The following PRKCH variants were observed in gnomAD, a reference collection of about 807,000 sequenced individuals.
The protein encoded by PRKCH is protein kinase C eta type.
A neutral mutation model predicts 82.5 loss-of-function variants in PRKCH; 28 were observed. The observed-to-expected ratio is 0.34, with a 90% CI of 0.25 to 0.47. The LOEUF is 0.47. Ranked by LOEUF, PRKCH falls within the 20% of genes least tolerant of loss-of-function variation. The probability of loss-of-function intolerance (pLI) is 1.00; values close to 1 mark genes in which losing one functional copy is unlikely to be tolerated. For synonymous variants in PRKCH, 322 were observed against 327.4 expected (o/e 0.98, Z 0.18); for missense variants, 705 against 881.8 (o/e 0.80, Z 2.54).
At chr14:61,325,144 G>T (rs1325605967) in intron 1 of PRKCH, among the ~76,000 whole-genome samples, 1 of 152,228 alleles carries the variant, frequency 6.6e-6, no homozygotes, top group East Asian at 1.9e-4. Flanking sequence ...GAAATGTAAA[G>T]TACTGAGACC....
rs758221241 is a variant in PRKCH at position 61,281,024 on chromosome 14, C to A, written c.-19+93356C>A. Reference sequence around the variant, plus strand: ...CCCAGGCCGATGAAGGCCAGGCCCGCGCAGAAGAAGAGCGGCAGCGCGATG... The same window carrying A: ...CCCAGGCCGATGAAGGCCAGGCCCGAGCAGAAGAAGAGCGGCAGCGCGATG... On this transcript the variant is annotated intron_variant, in intron 1 of 3. Coordinates refer to the PRKCH transcript ENST00000555185. 1.4e-4 allele frequency: 210 copies of A among 1,533,370 alleles called. No homozygotes were observed. Among genetic ancestry groups the A allele is most frequent in the Non-Finnish European group, 1.8e-4 (204 of 1,142,710 alleles). 95.0% of individuals were successfully genotyped at this position (1,533,370 alleles called of 1,614,324 possible).
intron 10 of PRKCH, among the ~76,000 whole-genome samples, chr14:61,517,681 T>C (rs3751293): frequency 0.2 from 30,832 of 152,270 alleles, 4,455 homozygotes; most frequent in African/African-American, 0.41. Flanking sequence ...CTTCATGCCA[T>C]GTGTCCAACA....
upstream of PRKCH, among the ~76,000 whole-genome samples, chr14:61,317,643 C>A (rs1043059737): frequency 6.6e-6 from 1 of 152,134 alleles, no homozygotes; most frequent in Non-Finnish European, 1.5e-5. Context: ...CAATTCCTCC[C>A]TGCTTGAAAA....
chr14:61,293,587 A>AT (rs1280436025), intron 1 of PRKCH, among the ~76,000 whole-genome samples: 15 of 152,144 alleles, frequency 9.9e-5, no homozygotes, highest in South Asian at 2.1e-4. Flanking sequence ...ACACCTGAAG[A>AT]TTTTTTTTAA....
chr14:61,286,668 C>T (rs561955988), intron 1 of PRKCH, among the ~76,000 whole-genome samples: 163 of 152,014 alleles, frequency 1.1e-3, no homozygotes, highest in Non-Finnish European at 1.8e-3. Context: ...CCCAGCTACT[C>T]GGGAGGCTGA....
At chr14:61,227,368 G>A (rs373066928) in intron 1 of PRKCH, among the ~76,000 whole-genome samples, 34 of 152,304 alleles carry the variant, frequency 2.2e-4, no homozygotes, top group African/African-American at 8.2e-4. Context: ...GCCAAGGCAG[G>A]GGATCACGAG....
At chr14:61,466,437 C>T (rs1885259774) in intron 9 of PRKCH, among the ~76,000 whole-genome samples, 2 of 152,142 alleles carry the variant, frequency 1.3e-5, no homozygotes, top group Non-Finnish European at 2.9e-5. Context: ...GCCTCCCATC[C>T]CCCATCCCCG....
rs562877759 is a variant in PRKCH at position 61,523,446 on chromosome 14, G to A, written c.1434-5629G>A. On this transcript the variant is annotated intron_variant, in intron 10 of 13. Coordinates refer to ENST00000332981, the MANE Select transcript of PRKCH (RefSeq NM_006255.5). The stretch of plus-strand genomic sequence containing the variant: ...TGACACTGCTACATAGAAGGGATTG[G>A]GCCTGGTGTAGTAAGTCACAAGCCC... 5.9e-5 allele frequency among the ~76,000 whole-genome samples: 9 copies of A among 152,234 alleles called. No homozygotes were observed. In the South Asian group the frequency reaches 1.7e-3, roughly 28 times the overall value.
At chr14:61,266,360 G>A (rs1488702391) in intron 1 of PRKCH, among the ~76,000 whole-genome samples, 1 of 152,214 alleles carries the variant, frequency 6.6e-6, no homozygotes, top group African/African-American at 2.4e-5. Context: ...AGAGGTTGCA[G>A]TGAGCTGAGA....
chr14:61,188,611 GGTGTGTGTGTGTGT>G (rs1170634010), intron 1 of PRKCH, among the ~76,000 whole-genome samples: 23 of 51,028 alleles, frequency 4.5e-4, no homozygotes, highest in East Asian at 1.1e-3. Context: ...GGGGTGGTGT[GGTGTGTGTGTGTGT>G]GTGTGTGTGT....
intron 10 of PRKCH, among the ~76,000 whole-genome samples, chr14:61,513,897 A>T (rs1293959497): frequency 6.6e-6 from 1 of 152,114 alleles, no homozygotes; most frequent in Admixed American, 6.5e-5. Flanking sequence ...GATGTGAGAA[A>T]TGTGGAGGGA....
chr14:61,524,298 C>A (rs1221607579), intron 10 of PRKCH, among the ~76,000 whole-genome samples: 4 of 152,222 alleles, frequency 2.6e-5, no homozygotes, highest in African/African-American at 9.6e-5. Context: ...TTAAGTAACC[C>A]TGATTACCCA....
intron 1 of PRKCH, among the ~76,000 whole-genome samples, chr14:61,273,219 A>G (rs1488387427): frequency 6.6e-6 from 1 of 152,202 alleles, no homozygotes; most frequent in Non-Finnish European, 1.5e-5. Context: ...CTGAACTTAA[A>G]TAACTATGGT....
At position 61,280,561 on chromosome 14, in the gene PRKCH, A is replaced by C; in HGVS notation, c.-19+92893A>C. ...GACGTGGTAGTCGGTCCACCAGGCGATGCCGGAGCGGTCGAGCGGCACCTC... is the reference window on the plus strand; with the variant it reads ...GACGTGGTAGTCGGTCCACCAGGCGCTGCCGGAGCGGTCGAGCGGCACCTC... On this transcript the variant is annotated intron_variant, in intron 1 of 3. Coordinates refer to the PRKCH transcript ENST00000555185. The surrounding 1 kb of genome is among the most constrained non-coding windows in gnomAD (Gnocchi z 5.0). The C allele has an allele frequency of 6.2e-7, 1 of 1,609,378 alleles. No individual in the cohort carries two copies. Among genetic ancestry groups the C allele is most frequent in the Non-Finnish European group, 8.5e-7 (1 of 1,178,252 alleles).
chr14:61,229,281 T>C (rs1292135185), intron 1 of PRKCH, among the ~76,000 whole-genome samples: 3 of 152,110 alleles, frequency 2.0e-5, no homozygotes, highest in Non-Finnish European at 1.5e-5. Flanking sequence ...TCATTGAGGG[T>C]TGGTGGGCAG....
At chr14:61,313,030 A>G (rs541860167) in intron 1 of PRKCH, among the ~76,000 whole-genome samples, 2 of 152,356 alleles carry the variant, frequency 1.3e-5, no homozygotes, top group South Asian at 4.1e-4. Flanking sequence ...AGAGGTTTTC[A>G]TAAGTGACCT....
chr14:61,250,301 A>C (rs1485811397), intron 1 of PRKCH, among the ~76,000 whole-genome samples: 3 of 152,064 alleles, frequency 2.0e-5, no homozygotes, highest in African/African-American at 7.2e-5. Flanking sequence ...GGATGTTGAT[A>C]GCAGCTTTAT....
intron 1 of PRKCH, among the ~76,000 whole-genome samples, chr14:61,203,644 A>T (rs186450594): frequency 6.6e-6 from 1 of 152,064 alleles, no homozygotes; most frequent in Non-Finnish European, 1.5e-5. Flanking sequence ...TTTTCTAGGA[A>T]GTGTTTTTCA....
rs749741484 is a variant in PRKCH, at chr14:61,322,430, G to T, written c.329G>T (p.Arg110Leu). Residue 110 changes from arginine to leucine, a missense_variant, in exon 1 of 14, where the codon CGC becomes CTC. Physicochemically the swap from Arg to Leu is moderately radical, Grantham distance 102. Coordinates refer to ENST00000332981, the MANE Select transcript of PRKCH (RefSeq NM_006255.5). ...NCTLQFQELL[R>L]TTGASDTFEG... ...ACCCTGCAGTTCCAGGAGCTGCTGC[G>T]CACGACCGGCGCCTCGGACACCTTC... 2.5e-6 allele frequency: 4 copies of T among 1,598,098 alleles called. No homozygotes were observed.
Sources: gnomAD v4.1 joint callset for allele counts (sites outside exome capture counted in the v4.1 genomes callset) on GRCh38, gnomAD v4.1.1 for gene constraint, Gnocchi (gnomAD v3.1) non-coding constraint, MANE v1.5 for transcripts, NCBI Gene and HGNC (gene_info 2026-07-23, HGNC 2026-07-21) for gene names.